Variants in OSBPL8 observed in about 807,000 individuals in gnomAD.
OSBPL8 encodes oxysterol binding protein like 8.
Under a neutral mutation model 125.5 loss-of-function variants are expected in OSBPL8, and 59 were observed. That is an observed-to-expected ratio of 0.47 (90% confidence interval 0.38 to 0.58). The LOEUF (loss-of-function observed/expected upper bound fraction) is 0.58. Among genes scored for constraint, OSBPL8 ranks in the 20% least tolerant of loss-of-function variants. The pLI is 0.00. For synonymous variants in OSBPL8, 330 were observed against 338.9 expected, an observed-to-expected ratio of 0.97 and a Z score of 0.29; for missense variants, 758 against 1,047.8, an observed-to-expected ratio of 0.72 and a Z score of 3.82.
intron 16 of OSBPL8, 29 bp from the exon 17 acceptor site, chr12:76,375,399 GAA>G (rs1267247922): frequency 8.1e-6 from 12 of 1,489,032 alleles, no homozygotes; most frequent in South Asian, 1.1e-5. Flanking sequence ...ACAAAAAATT[GAA>G]AAGAGTATAG....
At chr12:76,508,634 G>A (rs574188959) in intron 1 of OSBPL8, among the ~76,000 whole-genome samples, 1 of 152,332 alleles carries the variant, frequency 6.6e-6, no homozygotes, top group African/African-American at 2.4e-5. Context: ...GATAAAAGAA[G>A]CTGGCCAAAT....
chr12:76,492,078 T>G (rs1009087468), intron 1 of OSBPL8, among the ~76,000 whole-genome samples: 2 of 152,024 alleles, frequency 1.3e-5, no homozygotes, highest in Admixed American at 1.3e-4. Context: ...AATTAATAAA[T>G]TATATATTAG....
chr12:76,429,080 T>C (rs1870503726), intron 4 of OSBPL8, among the ~76,000 whole-genome samples: 1 of 152,058 alleles, frequency 6.6e-6, no homozygotes, highest in Admixed American at 6.6e-5. Flanking sequence ...TATCGTACAT[T>C]TCCTCAGAAA....
At position 76,369,790 on chromosome 12, in the gene OSBPL8, G is replaced by T. The variant is rs1952551049; in HGVS notation, c.2087C>A (p.Ala696Asp). 1 of 1,613,056 alleles carries T rather than the reference G, an allele frequency of 6.2e-7. No homozygotes were observed. Among genetic ancestry groups the T allele is most frequent in the South Asian group, 1.1e-5 (1 of 91,004 alleles). The change falls in exon 20 of 24, where the codon GCC (alanine) becomes GAC (aspartate). Residue 696 changes from alanine to aspartate, a missense_variant. This residue lies in a region of OSBPL8 where 572 missense variants were observed against 762.0 expected (regional missense o/e 0.75). Coordinates refer to ENST00000261183, the MANE Select transcript of OSBPL8 (RefSeq NM_020841.5). ...TTGGGTAGCTTCAGTTTGGTCTTTG[G>T]CATTTATGGCTCGAGTTACCCGTTG... ...LWQRVTRAIN[A>D]KDQTEATQEK... is the part of the protein sequence containing the mutation.
intron 21 of OSBPL8, among the ~76,000 whole-genome samples, chr12:76,368,750 T>C (rs908851730): frequency 2.0e-5 from 3 of 152,172 alleles, no homozygotes; most frequent in Admixed American, 2.0e-4. Context: ...TTGAATAATT[T>C]GTCTTTATTG....
At chr12:76,372,359 TG>T (rs1259940570) in intron 18 of OSBPL8, among the ~76,000 whole-genome samples, 27 of 152,082 alleles carry the variant, frequency 1.8e-4, no homozygotes, top group African/African-American at 6.5e-4. Context: ...TGTGCCATCA[TG>T]CCCATCTAAT....
intron 18 of OSBPL8, 132 bp from the exon 19 acceptor site, chr12:76,371,716 C>G: frequency 1.2e-6 from 1 of 829,764 alleles, no homozygotes; most frequent in Non-Finnish European, 1.6e-6. Context: ...ACAAATATAA[C>G]TAGCACTTTT....
intron 2 of OSBPL8, among the ~76,000 whole-genome samples, chr12:76,465,195 AC>A (rs1392564826): frequency 5.3e-5 from 8 of 152,216 alleles, no homozygotes; most frequent in African/African-American, 1.9e-4. Context: ...TTTAAAAATA[AC>A]CTAATCGCAC....
In OSBPL8 at chr12:76,554,853, T is replaced by C. The variant is rs145140084; in HGVS notation, c.-68+4544A>G. On this transcript the variant is annotated intron_variant, in intron 1 of 23. Coordinates refer to ENST00000261183, the MANE Select transcript of OSBPL8 (RefSeq NM_020841.5). ...ATCATTTGATGACTCTTCTTAGTCTTTGTATAATAAAAAGGCTCAAGACTC... is the reference window on the plus strand; with the variant it reads ...ATCATTTGATGACTCTTCTTAGTCTCTGTATAATAAAAAGGCTCAAGACTC... 4.5e-3 allele frequency among the ~76,000 whole-genome samples: 686 copies of C among 152,316 alleles called. 4 individuals carry two copies. Among genetic ancestry groups the C allele is most frequent in the Non-Finnish European group, 7.6e-3 (518 of 68,024 alleles).
At chr12:76,550,345 T>A (rs1231807557) in intron 1 of OSBPL8, among the ~76,000 whole-genome samples, 1 of 152,198 alleles carries the variant, frequency 6.6e-6, no homozygotes, top group Admixed American at 6.5e-5. Flanking sequence ...GGAATAATCA[T>A]CTAAGCACAT....
intron 2 of OSBPL8, among the ~76,000 whole-genome samples, chr12:76,468,346 C>T (rs1219395287): frequency 1.3e-5 from 2 of 152,204 alleles, no homozygotes; most frequent in South Asian, 2.1e-4. Context: ...GATGGTCTCA[C>T]ATCTCCACTT....
intron 4 of OSBPL8, among the ~76,000 whole-genome samples, chr12:76,420,747 T>G (rs905845495): frequency 6.6e-6 from 1 of 152,034 alleles, no homozygotes; most frequent in East Asian, 1.9e-4. Flanking sequence ...TCAGGAGATA[T>G]TAGATGTACT....
intron 4 of OSBPL8, among the ~76,000 whole-genome samples, chr12:76,426,995 C>A (rs941390541): frequency 6.6e-6 from 1 of 152,094 alleles, no homozygotes; most frequent in African/African-American, 2.4e-5. Flanking sequence ...GATGTAATCA[C>A]CGGTGTTTAA....
chr12:76,559,671 G>C lies in OSBPL8; in HGVS notation c.-342C>G, dbSNP rs1170867897. On this transcript the variant is annotated 5_prime_UTR_variant, in exon 1 of 24. Transcript: ENST00000261183. ...ACCTTCCCTCAGTCGGCTTGCTACC[G>C]GCAGCGGCTACTGCGGCGTCCAAAG... 1 of 152,230 alleles carries C rather than the reference G, an allele frequency of 6.6e-6. No homozygotes were observed. The highest frequency in any genetic ancestry group is 2.4e-5 in the African/African-American group (1 of 41,456). The allele number at this position is 152,230 out of a possible 1,614,324, so 9.4% of individuals were successfully genotyped here. A position where few individuals can be genotyped will look rare whatever the true frequency, so the allele number is the denominator to read the frequency against.
intron 5 of OSBPL8, among the ~76,000 whole-genome samples, chr12:76,404,726 T>A (rs936337278): frequency 2.6e-5 from 4 of 152,234 alleles, no homozygotes; most frequent in African/African-American, 9.6e-5. Flanking sequence ...ATTGTAAGAA[T>A]ACAGTATACA....
At chr12:76,514,790 A>G (rs1256321032) in intron 1 of OSBPL8, among the ~76,000 whole-genome samples, 2 of 152,200 alleles carry the variant, frequency 1.3e-5, no homozygotes, top group Non-Finnish European at 2.9e-5. Flanking sequence ...AAAGACACCA[A>G]TGATTCATAG....
chr12:76,448,138 G>A (rs1872937945), intron 4 of OSBPL8, among the ~76,000 whole-genome samples: 1 of 152,096 alleles, frequency 6.6e-6, no homozygotes, highest in Admixed American at 6.6e-5. Flanking sequence ...TTTGGGGTAC[G>A]TCATGAAGTC....
intron 6 of OSBPL8, among the ~76,000 whole-genome samples, chr12:76,402,355 A>G (rs1020683089): frequency 6.6e-6 from 1 of 152,188 alleles, no homozygotes; most frequent in African/African-American, 2.4e-5. Context: ...TCTAATTTCA[A>G]TGGGTGCCAG....
At chr12:76,381,600 T>TTC (rs1953054391) in intron 15 of OSBPL8, among the ~76,000 whole-genome samples, 4 of 152,226 alleles carry the variant, frequency 2.6e-5, no homozygotes, top group Admixed American at 2.0e-4. Flanking sequence ...TTTTATTTCA[T>TTC]TATGAAATGT....
Sources: gnomAD v4.1 joint callset for allele counts (sites outside exome capture counted in the v4.1 genomes callset) on GRCh38, gnomAD v4.1.1 for gene constraint, gnomAD v4.1.1 regional missense constraint, MANE v1.5 for transcripts, NCBI Gene and HGNC (gene_info 2026-07-23, HGNC 2026-07-21) for gene names.